TUBB2A: variants seen among roughly 807,000 people sequenced by gnomAD.
TUBB2A encodes the protein tubulin beta-2A chain.
Under a neutral mutation model 33.9 loss-of-function variants are expected in TUBB2A, and 7 were observed. The ratio of observed to expected loss-of-function variants is 0.21; its 90% CI spans 0.12 to 0.39. The LOEUF is 0.39. Among genes scored for constraint, TUBB2A ranks in the 10% least tolerant of loss-of-function variants. The pLI, the probability that TUBB2A is intolerant of heterozygous loss-of-function variation, is 1.00. For synonymous variants in TUBB2A, 187 were observed against 247.6 expected (o/e 0.76, Z 2.30); for missense variants, 80 against 593.4 (o/e 0.13, Z 8.99).
In TUBB2A at chr6:3,157,460, G is replaced by A. The variant is rs1762656574; in HGVS notation, c.4C>T (p.Arg2Cys). ...CCCGCCTGGATGTGCACGATCTCGCGCATGGTGCCGGCTGCGGAGCGGGTG... is the reference window on the plus strand; with the variant it reads ...CCCGCCTGGATGTGCACGATCTCGCACATGGTGCCGGCTGCGGAGCGGGTG... M[R>C]EIVHIQAGQC... Residue 2 changes from arginine (R) to cysteine (C), a missense_variant, in exon 1 of 4, where the codon CGC (arginine) becomes TGC (cysteine). Around this residue, in one of 5 missense-constraint regions of TUBB2A, gnomAD observed 13 missense variants for 26.6 expected, o/e 0.49. Transcript: ENST00000333628. The A allele has an allele frequency of 2.0e-6, 3 of 1,538,084 alleles. No homozygotes were observed. The highest frequency in any genetic ancestry group is 1.9e-5 in the Admixed American group (1 of 52,616).
In TUBB2A at chr6:3,153,741, A is replaced by G; in HGVS notation, c.*122T>C. 2 of 1,441,602 alleles carry G rather than the reference A, an allele frequency of 1.4e-6. No homozygotes were observed. Among genetic ancestry groups the G allele is most frequent in the Non-Finnish European group, 1.9e-6 (2 of 1,060,072 alleles). The allele number at this position is 1,441,602 out of a possible 1,614,324, so 89.3% of individuals were successfully genotyped here. ...GTAATTTTTAGAGGAGTTCCACATC[A>G]TTACATCAACAGTGTGAATTTCTAA... On this transcript the variant is annotated 3_prime_UTR_variant, in exon 4 of 4. Transcript: ENST00000333628.
chr6:3,155,087 C>A lies in TUBB2A; in HGVS notation c.278-164G>T, dbSNP rs1462317184. On this transcript the variant is annotated intron_variant, in intron 3 of 3. Transcript: ENST00000333628. The surrounding 1 kb of genome is among the most constrained non-coding windows in gnomAD (Gnocchi z 4.2). The stretch of plus-strand genomic sequence containing the variant: ...AAATATTTTTCTATGTCAGTGACCT[C>A]AAAAACACTGGGGATCATAATAAAG... 2 of 1,471,100 alleles carry A rather than the reference C, an allele frequency of 1.4e-6. No homozygotes were observed. Among genetic ancestry groups the A allele is most frequent in the East Asian group, 5.0e-5 (2 of 40,260 alleles). The allele number at this position is 1,471,100 out of a possible 1,614,324, so 91.1% of individuals were successfully genotyped here. A position where few individuals can be genotyped will look rare whatever the true frequency, so the allele number is the denominator to read the frequency against.
At position 3,156,314 on chromosome 6, in the gene TUBB2A, C is replaced by T. The variant is rs541551414; in HGVS notation, c.58-162G>A. Reference sequence around the variant, plus strand: ...CTGCACCCCCTATTTCCTGCAGCAGCCGCTGCTGAGGGGCTTGAAAATCCG... The same window carrying T: ...CTGCACCCCCTATTTCCTGCAGCAGTCGCTGCTGAGGGGCTTGAAAATCCG... On this transcript the variant is annotated intron_variant, in intron 1 of 3. Coordinates refer to ENST00000333628, the MANE Select transcript of TUBB2A (RefSeq NM_001069.3). 1.4e-4 allele frequency: 213 copies of T among 1,499,402 alleles called. No individual in the cohort carries two copies. In the African/African-American group the frequency reaches 2.6e-3, roughly 18 times the overall value. 92.9% of individuals were successfully genotyped at this position (1,499,402 alleles called of 1,614,324 possible).
chr6:3,154,941 A>G lies in TUBB2A; in HGVS notation c.278-18T>C, dbSNP rs1396084812. On this transcript the variant is annotated intron_variant, in intron 3 of 3. Coordinates refer to ENST00000333628, the MANE Select transcript of TUBB2A (RefSeq NM_001069.3). Reference sequence around the variant, plus strand: ...ACTCTGGCCTGCCAGAGGGAAAGTGAACATTAGACACTAAAACATAAGGAA... The same window carrying G: ...ACTCTGGCCTGCCAGAGGGAAAGTGGACATTAGACACTAAAACATAAGGAA... 6.2e-7 allele frequency: 1 copy of G among 1,613,808 alleles called. No homozygotes were observed. The highest frequency in any genetic ancestry group is 1.3e-5 in the African/African-American group (1 of 74,928).
In TUBB2A at chr6:3,155,158, G is replaced by A. The variant is rs1581497257; in HGVS notation, c.278-235C>T. The A allele has an allele frequency of 8.4e-7, 1 of 1,195,082 alleles. No individual in the cohort carries two copies. The highest frequency in any genetic ancestry group is 2.6e-5 in the East Asian group (1 of 38,820). The allele number at this position is 1,195,082 out of a possible 1,614,324, so 74.0% of individuals were successfully genotyped here. A position where few individuals can be genotyped will look rare whatever the true frequency, so the allele number is the denominator to read the frequency against. On this transcript the variant is annotated intron_variant, in intron 3 of 3. Coordinates refer to ENST00000333628, the MANE Select transcript of TUBB2A (RefSeq NM_001069.3). The surrounding 1 kb of genome is among the most constrained non-coding windows in gnomAD (Gnocchi z 4.2). ...TCTGAGGCTATTGATTGAGGAAGAGGATAGGGTTAGAAAACTTAATTGGTT... is the reference window on the plus strand; with the variant it reads ...TCTGAGGCTATTGATTGAGGAAGAGAATAGGGTTAGAAAACTTAATTGGTT...
Position 3,153,853 on chromosome 6 carries a change from TGA to T in TUBB2A, c.*8_*9del. The T allele has an allele frequency of 6.2e-7, 1 of 1,614,086 alleles. No individual in the cohort carries two copies. Among genetic ancestry groups the T allele is most frequent in the Non-Finnish European group, 8.5e-7 (1 of 1,179,916 alleles). Reference sequence around the variant, plus strand: ...GTTCACTAAGGATGCACGATTGATCTGAGAAGTTTTTAAGCCTCGTCCTCGCC... The same window carrying T: ...GTTCACTAAGGATGCACGATTGATCTGAAGTTTTTAAGCCTCGTCCTCGCC... On this transcript the variant is annotated 3_prime_UTR_variant, in exon 4 of 4. Transcript: ENST00000333628.
In TUBB2A at chr6:3,157,536, C is replaced by G; in HGVS notation, c.-73G>C. 7.2e-7 allele frequency: 1 copy of G among 1,385,748 alleles called. No individual in the cohort carries two copies. Among genetic ancestry groups the G allele is most frequent in the Non-Finnish European group, 9.3e-7 (1 of 1,074,528 alleles). The allele number at this position is 1,385,748 out of a possible 1,614,324, so 85.8% of individuals were successfully genotyped here. A position where few individuals can be genotyped will look rare whatever the true frequency, so the allele number is the denominator to read the frequency against. On this transcript the variant is annotated 5_prime_UTR_variant, in exon 1 of 4. Transcript: ENST00000333628. ...GCGTGGACCGGCGGGCTGGGCTGCG[C>G]AGAGACCTGCCGCCGCCCCCCCAGC... is the stretch of plus-strand genomic sequence containing the variant.
At position 3,157,524 on chromosome 6, in the gene TUBB2A, G is replaced by T; in HGVS notation, c.-61C>A. On this transcript the variant is annotated 5_prime_UTR_variant, in exon 1 of 4. Coordinates refer to ENST00000333628, the MANE Select transcript of TUBB2A (RefSeq NM_001069.3). Reference sequence around the variant, plus strand: ...GAGCGGTGCGCGGCGTGGACCGGCGGGCTGGGCTGCGCAGAGACCTGCCGC... The same window carrying T: ...GAGCGGTGCGCGGCGTGGACCGGCGTGCTGGGCTGCGCAGAGACCTGCCGC... 1 of 1,426,234 alleles carries T rather than the reference G, an allele frequency of 7.0e-7. No individual in the cohort carries two copies. 88.3% of individuals were successfully genotyped at this position (1,426,234 alleles called of 1,614,324 possible).
intron 1 of TUBB2A, 123 bp downstream of exon 1, chr6:3,157,284 G>T: frequency 8.8e-7 from 1 of 1,137,868 alleles, no homozygotes; most frequent in Non-Finnish European, 1.1e-6. Context: ...ACCCCGCCCG[G>T]CGGCCTCGCC....
rs2808002 is a variant in TUBB2A at position 3,154,705 on chromosome 6, T to A, written c.496A>T (p.Thr166Ser). 2.4e-5 allele frequency: 38 copies of A among 1,611,770 alleles called. No individual in the cohort carries two copies. Among genetic ancestry groups the A allele is most frequent in the Non-Finnish European group, 2.3e-5 (27 of 1,178,914 alleles). Reference protein sequence around the residue: ...REEYPDRIMNTFSVMPSPKVS... With the variant: ...REEYPDRIMNSFSVMPSPKVS... ...TTGGGTGAGGGCATGACGCTGAAGGTGTTCATGATGCGGTCTGGGTACTCT... is the reference window on the plus strand; with the variant it reads ...TTGGGTGAGGGCATGACGCTGAAGGAGTTCATGATGCGGTCTGGGTACTCT... Residue 166 changes from threonine to serine, a missense_variant, in exon 4 of 4, where the codon ACC (threonine) becomes TCC (serine). Transcript: ENST00000333628.
Position 3,155,044 on chromosome 6 carries a change from CTCT to C in TUBB2A, c.278-124_278-122del. 1 of 1,530,778 alleles carries C rather than the reference CTCT, an allele frequency of 6.5e-7. No homozygotes were observed. The highest frequency in any genetic ancestry group is 2.5e-5 in the East Asian group (1 of 40,780). The allele number at this position is 1,530,778 out of a possible 1,614,324, so 94.8% of individuals were successfully genotyped here. ...CTGGCAGATTCTTCTCTTTTGAATA[CTCT>C]TCTTTTACCTGAAGAAATATTTTTC... On this transcript the variant is annotated intron_variant, in intron 3 of 3. Coordinates refer to ENST00000333628, the MANE Select transcript of TUBB2A (RefSeq NM_001069.3). This position sits in a 1 kb window ranked among gnomAD's most constrained non-coding sequence, Gnocchi z 4.2.
Position 3,155,842 on chromosome 6 carries a change from A to G in TUBB2A, c.167-107T>C, listed in dbSNP as rs1036174055. On this transcript the variant is annotated intron_variant, in intron 2 of 3. Coordinates refer to ENST00000333628, the MANE Select transcript of TUBB2A (RefSeq NM_001069.3). This position sits in a 1 kb window ranked among gnomAD's most constrained non-coding sequence, Gnocchi z 4.2. ...GGAGAACAGGAGATTTTCTGCTTTT[A>G]AGAAAAAGGAGGTCCTGAGTGTGCT... The G allele has an allele frequency of 1.3e-5, 18 of 1,337,132 alleles. No homozygotes were observed. The highest frequency in any genetic ancestry group is 7.2e-5 in the Admixed American group (3 of 41,950). 82.8% of individuals were successfully genotyped at this position (1,337,132 alleles called of 1,614,324 possible).
At chr6:3,157,361 G>A (rs768411411) in intron 1 of TUBB2A, 46 bp downstream of exon 1, 6 of 1,438,016 alleles carry the variant, frequency 4.2e-6, no homozygotes, top group Admixed American at 2.5e-5. Context: ...GCCCCAGCCC[G>A]CACCCTCGGT....
rs1003032383 is a variant in TUBB2A at position 3,153,807 on chromosome 6, C to G, written c.*56G>C. On this transcript the variant is annotated 3_prime_UTR_variant, in exon 4 of 4. Coordinates refer to ENST00000333628, the MANE Select transcript of TUBB2A (RefSeq NM_001069.3). ...GCACCATAGTTTACAAGTAGAAAGA[C>G]CATGCTTGAGGACAACAGAAGTTCA... 1 of 1,606,132 alleles carries G rather than the reference C, an allele frequency of 6.2e-7. No individual in the cohort carries two copies. The highest frequency in any genetic ancestry group is 8.5e-7 in the Non-Finnish European group (1 of 1,174,260).
At position 3,155,055 on chromosome 6, in the gene TUBB2A, C is replaced by A. The variant is rs1334667367; in HGVS notation, c.278-132G>T. 8 of 1,509,810 alleles carry A rather than the reference C, an allele frequency of 5.3e-6. No individual in the cohort carries two copies. The highest frequency in any genetic ancestry group is 7.1e-6 in the Non-Finnish European group (8 of 1,126,108). The allele number at this position is 1,509,810 out of a possible 1,614,324, so 93.5% of individuals were successfully genotyped here. The stretch of plus-strand genomic sequence containing the variant: ...TTCTCTTTTGAATACTCTTCTTTTA[C>A]CTGAAGAAATATTTTTCTATGTCAG... On this transcript the variant is annotated intron_variant, in intron 3 of 3. Transcript: ENST00000333628. The surrounding 1 kb of genome is among the most constrained non-coding windows in gnomAD (Gnocchi z 4.2).
chr6:3,154,109 C>T lies in TUBB2A; in HGVS notation c.1092G>A (p.Ser364=). 7.4e-7 allele frequency: 1 copy of T among 1,342,758 alleles called. No individual in the cohort carries two copies. The highest frequency in any genetic ancestry group is 1.7e-5 in the African/African-American group (1 of 59,096). 83.2% of individuals were successfully genotyped at this position (1,342,758 alleles called of 1,614,324 possible). ...CCGTGCTGTTGCCGATGAAGGTGGC[C>T]GACATCTTCAGGCCGCGGGGCGGGA... is the stretch of plus-strand genomic sequence containing the variant. ...CDIPPRGLKM[S]ATFIGNSTAI... Residue 364 remains serine (S), a synonymous_variant, in exon 4 of 4, where the codon TCG becomes TCA. Transcript: ENST00000333628.
chr6:3,157,493 C>T lies in TUBB2A; in HGVS notation c.-30G>A, dbSNP rs17136233. The T allele has an allele frequency of 6.7e-7, 1 of 1,494,404 alleles. No homozygotes were observed. Among genetic ancestry groups the T allele is most frequent in the Non-Finnish European group, 8.9e-7 (1 of 1,127,020 alleles). The allele number at this position is 1,494,404 out of a possible 1,614,324, so 92.6% of individuals were successfully genotyped here. On this transcript the variant is annotated 5_prime_UTR_variant, in exon 1 of 4. Transcript: ENST00000333628. ...CCGGCTGCGGAGCGGGTGGCGCTGG[C>T]CCTCGGAGCGGTGCGCGGCGTGGAC...
At position 3,153,725 on chromosome 6, in the gene TUBB2A, AGAG is replaced by A. The variant is rs1196476950; in HGVS notation, c.*135_*137del. 190 of 1,323,828 alleles carry A rather than the reference AGAG, an allele frequency of 1.4e-4. No individual in the cohort carries two copies. Among genetic ancestry groups the A allele is most frequent in the Non-Finnish European group, 1.9e-4 (182 of 966,828 alleles). 82.0% of individuals were successfully genotyped at this position (1,323,828 alleles called of 1,614,324 possible). A position where few individuals can be genotyped will look rare whatever the true frequency, so the allele number is the denominator to read the frequency against. ...CTTCACAGACAATACTGTAATTTTTAGAGGAGTTCCACATCATTACATCAACAG... is the reference window on the plus strand; with the variant it reads ...CTTCACAGACAATACTGTAATTTTTAGAGTTCCACATCATTACATCAACAG... On this transcript the variant is annotated 3_prime_UTR_variant, in exon 4 of 4. Transcript: ENST00000333628.
At position 3,155,192 on chromosome 6, in the gene TUBB2A, C is replaced by T. The variant is rs1053299931; in HGVS notation, c.278-269G>A. On this transcript the variant is annotated intron_variant, in intron 3 of 3. Coordinates refer to ENST00000333628, the MANE Select transcript of TUBB2A (RefSeq NM_001069.3). The surrounding 1 kb of genome is among the most constrained non-coding windows in gnomAD (Gnocchi z 4.2). The stretch of plus-strand genomic sequence containing the variant: ...AGAAAACTTAATTGGTTCTGAAATA[C>T]ATACATTTTTAAGAGGCATTCTCTT... 5 of 884,562 alleles carry T rather than the reference C, an allele frequency of 5.7e-6. No individual in the cohort carries two copies. The highest frequency in any genetic ancestry group is 1.8e-5 in the South Asian group (1 of 54,536). 54.8% of individuals were successfully genotyped at this position (884,562 alleles called of 1,614,324 possible).
Sources: allele counts gnomAD v4.1 joint callset, GRCh38; gene constraint gnomAD v4.1.1; regional missense constraint gnomAD v4.1.1; non-coding constraint Gnocchi (gnomAD v3.1); transcripts MANE v1.5; gene names NCBI Gene and HGNC (gene_info 2026-07-23, HGNC 2026-07-21).